GPNMB: variants seen among roughly 807,000 people sequenced by gnomAD.
The protein encoded by GPNMB is glycoprotein nmb.
Under a neutral mutation model 57.3 loss-of-function variants are expected in GPNMB, and 71 were observed. That is an observed-to-expected ratio of 1.24 (90% CI 1.02 to 1.51). The LOEUF (loss-of-function observed/expected upper bound fraction) is 1.51, where lower values mean the gene tolerates loss of function less well. Among genes scored for constraint, GPNMB ranks in the 40% most tolerant of loss-of-function variants. GPNMB has a pLI of 0.00. For missense variants in GPNMB, 677 were observed against 691.9 expected (o/e 0.98, Z 0.24); for synonymous variants, 253 against 263.2 (o/e 0.96, Z 0.38).
At chr7:23,270,626 T>C (rs1461224961) in intron 9 of GPNMB, among the ~76,000 whole-genome samples, 1 of 152,194 alleles carries the variant, frequency 6.6e-6, no homozygotes, top group Non-Finnish European at 1.5e-5. Context: ...ACACAAGCTG[T>C]TCTCCTTGGT....
Position 23,274,346 on chromosome 7 carries a change from G to T in GPNMB, c.*122G>T. On this transcript the variant is annotated 3_prime_UTR_variant, in exon 11 of 11. Transcript: ENST00000258733. ...ATAGATATTGTGGTTTGGGGAAGTTGAATTTTTTATAGGTTAAATGTCATT... is the reference window on the plus strand; with the variant it reads ...ATAGATATTGTGGTTTGGGGAAGTTTAATTTTTTATAGGTTAAATGTCATT... 1 of 728,554 alleles carries T rather than the reference G, an allele frequency of 1.4e-6. No individual in the cohort carries two copies. Among genetic ancestry groups the T allele is most frequent in the Non-Finnish European group, 2.3e-6 (1 of 441,246 alleles). 45.1% of individuals were successfully genotyped at this position (728,554 alleles called of 1,614,324 possible).
At chr7:23,259,901 G>C in intron 4 of GPNMB, 79 bp from the exon 5 acceptor site, 2 of 1,339,524 alleles carry the variant, frequency 1.5e-6, no homozygotes, top group Non-Finnish European at 2.1e-6. Flanking sequence ...ATAAATGGTG[G>C]TAGCTAGTCT....
At chr7:23,249,570 T>G (rs1396025785) in intron 1 of GPNMB, among the ~76,000 whole-genome samples, 2 of 152,242 alleles carry the variant, frequency 1.3e-5, no homozygotes, top group African/African-American at 4.8e-5. Flanking sequence ...CTTTTGAGAT[T>G]TGCTTTTTTT....
intron 4 of GPNMB, chr7:23,258,038 G>A (rs1011745832): frequency 1.3e-5 from 2 of 151,944 alleles, no homozygotes; most frequent in African/African-American, 2.4e-5. Context: ...CTACTGTTCC[G>A]CTTTGACCTA....
At position 23,269,204 on chromosome 7, in the gene GPNMB, G is replaced by C. The variant is rs547606001; in HGVS notation, c.1221-763G>C. Among the ~76,000 whole-genome samples, 10 of 152,178 alleles carry C rather than the reference G, an allele frequency of 6.6e-5. No homozygotes were observed. The South Asian group carries it at 2.1e-3, about 32-fold the overall frequency. On this transcript the variant is annotated intron_variant, in intron 8 of 10. Coordinates refer to ENST00000258733, the MANE Select transcript of GPNMB (RefSeq NM_002510.3). ...AGTTTGAGACCAGCCTGGCCAACAT[G>C]GTGAAACCCCATCTCTACTAAAAAT...
intron 6 of GPNMB, among the ~76,000 whole-genome samples, chr7:23,263,022 T>C (rs573911075): frequency 4.6e-5 from 7 of 151,666 alleles, no homozygotes; most frequent in African/African-American, 1.5e-4. Context: ...TAGTAATCCT[T>C]TAGGAGAAGC....
At chr7:23,251,399 C>T (rs1162814378) in intron 1 of GPNMB, among the ~76,000 whole-genome samples, 1 of 152,182 alleles carries the variant, frequency 6.6e-6, no homozygotes, top group Non-Finnish European at 1.5e-5. Context: ...CATAGAACCA[C>T]AGAAATTAAT....
intron 9 of GPNMB, among the ~76,000 whole-genome samples, chr7:23,271,685 A>G (rs1322321182): frequency 1.3e-5 from 2 of 152,004 alleles, no homozygotes; most frequent in Non-Finnish European, 2.9e-5. Context: ...AGTCCCAGCT[A>G]CTCGGGAGGC....
At chr7:23,264,096 G>GGAAAA (rs1782998750) in intron 6 of GPNMB, among the ~76,000 whole-genome samples, 3 of 109,680 alleles carry the variant, frequency 2.7e-5, no homozygotes, top group African/African-American at 9.3e-5. Flanking sequence ...GAACAAATCT[G>GGAAAA]AAAAAAAAAA....
chr7:23,254,450 G>A, intron 3 of GPNMB, 138 bp downstream of exon 3: 1 of 688,012 alleles, frequency 1.5e-6, no homozygotes, highest in Non-Finnish European at 2.4e-6. Flanking sequence ...GAGACAGTGA[G>A]TGTGTGGTCC....
At chr7:23,262,562 A>G (rs1185102463) in intron 6 of GPNMB, among the ~76,000 whole-genome samples, 1 of 146,932 alleles carries the variant, frequency 6.8e-6, no homozygotes, top group African/African-American at 2.5e-5. Context: ...CAGTGGCTGC[A>G]TAGTGTTTCA....
rs552670824 is a variant in GPNMB at position 23,264,034 on chromosome 7, C to T, written c.1019-2483C>T. Among the ~76,000 whole-genome samples, 5 of 149,504 alleles carry T rather than the reference C, an allele frequency of 3.3e-5. No individual in the cohort carries two copies. In the South Asian group the frequency reaches 1.1e-3, roughly 32 times the overall value. On this transcript the variant is annotated intron_variant, in intron 6 of 10. Transcript: ENST00000258733. ...ATGCATGTGTGCTATTTTTAAGTCA[C>T]GGAATTCTCTTCACTTAGCTAACAG...
At position 23,270,066 on chromosome 7, in the gene GPNMB, G is replaced by A; in HGVS notation, c.1320G>A (p.Leu440=). ...TGGATGTGGATGAGATGTGTCTGCT[G>A]ACTGTGAGACGAACCTTCAATGGGT... ...SPVDVDEMCL[L]TVRRTFNGSG... The change falls in exon 9 of 11, where the codon CTG becomes CTA. Residue 440 remains leucine, a synonymous_variant. Transcript: ENST00000258733. 1 of 1,614,080 alleles carries A rather than the reference G, an allele frequency of 6.2e-7. No homozygotes were observed. Among genetic ancestry groups the A allele is most frequent in the South Asian group, 1.1e-5 (1 of 91,086 alleles).
chr7:23,273,958 G>T, intron 10 of GPNMB, 107 bp from the exon 11 acceptor site: 2 of 838,188 alleles, frequency 2.4e-6, no homozygotes. Flanking sequence ...TGTCAATCAT[G>T]TTAAATGGAA....
At chr7:23,257,456 G>A (rs1263998904) in intron 4 of GPNMB, 1 of 311,158 alleles carries the variant, frequency 3.2e-6, no homozygotes. Context: ...TGGATCACCT[G>A]AAGTCAGGAG....
chr7:23,256,767 A>T (rs908945150), intron 3 of GPNMB, 125 bp from the exon 4 acceptor site: 2 of 685,554 alleles, frequency 2.9e-6, no homozygotes, highest in Non-Finnish European at 5.1e-6. Context: ...TTAAGTGTTT[A>T]GTTGTCTAAC....
intron 2 of GPNMB, among the ~76,000 whole-genome samples, 197 bp downstream of exon 2, chr7:23,253,656 C>T (rs1308119271): frequency 3.3e-5 from 5 of 152,174 alleles, no homozygotes; most frequent in Non-Finnish European, 5.9e-5. Flanking sequence ...CAAGTAATCT[C>T]CTTAGAAATT....
chr7:23,268,650 ATG>A, intron 8 of GPNMB, among the ~76,000 whole-genome samples: 1 of 152,252 alleles, frequency 6.6e-6, no homozygotes, highest in Non-Finnish European at 1.5e-5. Flanking sequence ...ATTAAAATAT[ATG>A]TGTGTGTAGA....
intron 6 of GPNMB, 123 bp downstream of exon 6, chr7:23,260,896 C>A: frequency 1.4e-6 from 1 of 692,636 alleles, no homozygotes; most frequent in Non-Finnish European, 2.2e-6. Flanking sequence ...ATTCCATTTT[C>A]TACCTGTTGA....
Sources: allele counts gnomAD v4.1 joint callset (sites outside exome capture counted in the v4.1 genomes callset), GRCh38; gene constraint gnomAD v4.1.1; transcripts MANE v1.5; gene names NCBI Gene and HGNC (gene_info 2026-07-23, HGNC 2026-07-21).